The following ARHGEF4 variants were observed in gnomAD, a reference collection of about 807,000 sequenced individuals.
ARHGEF4 encodes APC-stimulated guanine nucleotide exchange factor 1.
Under a neutral mutation model 162.0 loss-of-function variants are expected in ARHGEF4, and 119 were observed. The ratio of observed to expected loss-of-function variants is 0.73; its 90% CI spans 0.63 to 0.86. The LOEUF (loss-of-function observed/expected upper bound fraction) is 0.86. Among genes scored for constraint, ARHGEF4 ranks in the 40% least tolerant of loss-of-function variants. ARHGEF4 has a pLI of 0.00. For missense variants in ARHGEF4, 2,488 were observed against 2,456.0 expected (o/e 1.01, Z -0.28); for synonymous variants, 1,014 against 979.9 (o/e 1.03, Z -0.65).
chr2:130,853,082 T>G (rs1238808707), intron 1 of ARHGEF4, among the ~76,000 whole-genome samples: 5 of 152,158 alleles, frequency 3.3e-5, no homozygotes, highest in African/African-American at 1.2e-4. Context: ...GTGCTTTGGG[T>G]CCCAGGGGGC....
At chr2:130,940,516 C>T (rs1289160864) in intron 3 of ARHGEF4, among the ~76,000 whole-genome samples, 2 of 151,588 alleles carry the variant, frequency 1.3e-5, no homozygotes, top group African/African-American at 2.4e-5. Flanking sequence ...AGGATGGTCT[C>T]GATCTCCTGA....
chr2:130,991,672 TGCCTTCCCGCGGG>T (rs1686990958), intron 4 of ARHGEF4, among the ~76,000 whole-genome samples: 1 of 152,236 alleles, frequency 6.6e-6, no homozygotes, highest in Admixed American at 6.5e-5. Flanking sequence ...GGGCCTTAGC[TGCCTTCCCGCGGG>T]GCAGGCCTCG....
chr2:131,041,991 G>A (rs577876485), intron 10 of ARHGEF4, 47 bp downstream of exon 10: 18 of 1,584,544 alleles, frequency 1.1e-5, no homozygotes, highest in African/African-American at 6.8e-5. Flanking sequence ...TTGGCCCCTC[G>A]CTTTAAAATC....
At chr2:130,937,496 A>G (rs1369037286) in intron 3 of ARHGEF4, among the ~76,000 whole-genome samples, 4 of 151,842 alleles carry the variant, frequency 2.6e-5, no homozygotes, top group Admixed American at 2.0e-4. Context: ...ATGAGACATC[A>G]TTCTTTTGGT....
chr2:130,937,574 C>G (rs1468139489), intron 3 of ARHGEF4, among the ~76,000 whole-genome samples: 1 of 151,802 alleles, frequency 6.6e-6, no homozygotes, highest in African/African-American at 2.4e-5. Context: ...GAGTCTTTGT[C>G]TAGTAAGAAG....
At chr2:131,002,305 C>T (rs1052572138) in intron 4 of ARHGEF4, among the ~76,000 whole-genome samples, 2 of 151,984 alleles carry the variant, frequency 1.3e-5, no homozygotes, top group East Asian at 1.9e-4. Context: ...GGGCCGGGCG[C>T]GGTGGCTCAT....
At chr2:131,036,451 C>T (rs1186692674) in intron 5 of ARHGEF4, among the ~76,000 whole-genome samples, 3 of 152,208 alleles carry the variant, frequency 2.0e-5, no homozygotes, top group Admixed American at 6.5e-5. Flanking sequence ...CCCTCCTCCC[C>T]AAGGTCTTCC....
chr2:131,032,848 C>CTTTTTTTTTTT (rs111971610), intron 5 of ARHGEF4, among the ~76,000 whole-genome samples: 10 of 128,634 alleles, frequency 7.8e-5, no homozygotes, highest in African/African-American at 3.4e-4. Flanking sequence ...TTTCTTTTTT[C>CTTTTTTTTTTT]TTTTTTTTTT....
At chr2:131,015,777 C>A (rs1453968756) in intron 4 of ARHGEF4, among the ~76,000 whole-genome samples, 1 of 152,172 alleles carries the variant, frequency 6.6e-6, no homozygotes. Flanking sequence ...CCTGGCTGGC[C>A]GGCAAGCTTT....
chr2:131,044,440 G>C lies in ARHGEF4; in HGVS notation c.5299G>C (p.Gly1767Arg). ...CTTCCGGCTGCACCGTGGCGCCACA[G>C]GGGACAGCCACCTGCTGTGCACCAG... ...NAFRLHRGATGDSHLLCTRKP... is the reference protein window; with the variant it reads ...NAFRLHRGATRDSHLLCTRKP... Residue 1767 changes from glycine to arginine, a missense_variant, in exon 12 of 14, where the codon GGG becomes CGG. By Grantham distance (125) the Gly-to-Arg change is moderately radical (BLOSUM62 -2). Coordinates refer to ENST00000409359, the MANE Select transcript of ARHGEF4 (RefSeq NM_001367493.1). 2 of 1,561,258 alleles carry C rather than the reference G, an allele frequency of 1.3e-6. No homozygotes were observed. The highest frequency in any genetic ancestry group is 1.7e-6 in the Non-Finnish European group (2 of 1,152,694).
intron 4 of ARHGEF4, among the ~76,000 whole-genome samples, chr2:130,983,479 A>G (rs1383466798): frequency 6.6e-6 from 1 of 152,172 alleles, no homozygotes; most frequent in African/African-American, 2.4e-5. Context: ...AAATATAAAA[A>G]CCAGACAAAA....
At chr2:130,883,814 G>T (rs563131258) in intron 1 of ARHGEF4, among the ~76,000 whole-genome samples, 1 of 152,240 alleles carries the variant, frequency 6.6e-6, no homozygotes, top group Admixed American at 6.5e-5. Context: ...CAGGCAGATG[G>T]CCTAGGCTGG....
chr2:131,018,484 T>C (rs1025285881), intron 4 of ARHGEF4, among the ~76,000 whole-genome samples: 1 of 152,204 alleles, frequency 6.6e-6, no homozygotes, highest in African/African-American at 2.4e-5. Context: ...TTTTCAAAAA[T>C]GTATTCTGGA....
In ARHGEF4 at chr2:131,046,777, T is replaced by G. The variant is rs1260970776; in HGVS notation, c.*588T>G. ...AGCCCCTCAAGACACCGCTGGCTGC[T>G]GGACACCCTCTTCACTTGTGTGTGT... On this transcript the variant is annotated 3_prime_UTR_variant, in exon 14 of 14. Transcript: ENST00000409359. 1 of 153,086 alleles carries G rather than the reference T, an allele frequency of 6.5e-6. No individual in the cohort carries two copies. The highest frequency in any genetic ancestry group is 2.4e-5 in the African/African-American group (1 of 41,440). The allele number at this position is 153,086 out of a possible 1,614,324, so 9.5% of individuals were successfully genotyped here.
rs1246743958 is a variant in ARHGEF4 at position 131,046,385 on chromosome 2, A to C, written c.*196A>C. The C allele has an allele frequency of 6.5e-6, 4 of 616,930 alleles. No homozygotes were observed. The highest frequency in any genetic ancestry group is 1.1e-5 in the Non-Finnish European group (4 of 360,334). 38.2% of individuals were successfully genotyped at this position (616,930 alleles called of 1,614,324 possible). ...TCCCTGCTCCTGGTGCCCTGAAGAG[A>C]CCAGCAAGGGGGCAGACCCCGCACT... On this transcript the variant is annotated 3_prime_UTR_variant, in exon 14 of 14. Transcript: ENST00000409359.
chr2:130,926,056 T>TTCTCTCTCTC (rs1292865073), intron 2 of ARHGEF4, among the ~76,000 whole-genome samples: 1 of 103,074 alleles, frequency 9.7e-6, no homozygotes, highest in African/African-American at 3.4e-5. Context: ...TTCTCTTTCT[T>TTCTCTCTCTC]TCTTTCTTTC....
chr2:130,921,922 G>A (rs1681898125), intron 2 of ARHGEF4, among the ~76,000 whole-genome samples: 1 of 151,780 alleles, frequency 6.6e-6, no homozygotes, highest in South Asian at 2.1e-4. Context: ...AAACTCCTGA[G>A]GTCAAGTAAT....
In ARHGEF4 at chr2:130,992,293, C is replaced by T. The variant is rs955165833; in HGVS notation, c.3986-35652C>T. On this transcript the variant is annotated intron_variant, in intron 4 of 13. Transcript: ENST00000409359. ...CTAGCACTGGCAACCTGCTTGGGTC[C>T]CCTTCCACACTGTGGAAGCTTTATT... 9.9e-5 allele frequency among the ~76,000 whole-genome samples: 15 copies of T among 152,246 alleles called. 1 individual carries two copies. The highest frequency in any genetic ancestry group is 2.6e-4 in the African/African-American group (11 of 41,550).
chr2:130,923,040 C>T (rs1681984672), intron 2 of ARHGEF4, among the ~76,000 whole-genome samples: 1 of 152,048 alleles, frequency 6.6e-6, no homozygotes, highest in African/African-American at 2.4e-5. Context: ...AAGCAATTCT[C>T]CTGCCTCAGC....
Sources: gnomAD v4.1 joint callset for allele counts (sites outside exome capture counted in the v4.1 genomes callset) on GRCh38, gnomAD v4.1.1 for gene constraint, MANE v1.5 for transcripts, NCBI Gene and HGNC (gene_info 2026-07-23, HGNC 2026-07-21) for gene names.